Variants in UBE2K observed in about 807,000 individuals in gnomAD.
UBE2K encodes ubiquitin conjugating enzyme E2 K.
Under a neutral mutation model 30.0 loss-of-function variants are expected in UBE2K, and 6 were observed. The observed-to-expected ratio is 0.20, with a 90% CI of 0.11 to 0.39. The LOEUF (loss-of-function observed/expected upper bound fraction) is 0.39. Ranked by LOEUF, UBE2K falls within the 10% of genes least tolerant of loss-of-function variation. The pLI is 1.00. For missense variants in UBE2K, 61 were observed against 241.6 expected (o/e 0.25, Z 4.96); for synonymous variants, 86 against 83.7 (o/e 1.03, Z -0.15).
At position 39,733,917 on chromosome 4, in the gene UBE2K, G is replaced by A. The variant is rs79368676; in HGVS notation, c.64-3503G>A. Reference sequence around the variant, plus strand: ...ACTCTTAAAGTAAGACTTTAAGTTCGCTTGTGGGAGCAGGGGGATTGGAGT... The same window carrying A: ...ACTCTTAAAGTAAGACTTTAAGTTCACTTGTGGGAGCAGGGGGATTGGAGT... On this transcript the variant is annotated intron_variant, in intron 1 of 6. Transcript: ENST00000261427. Among the ~76,000 whole-genome samples the A allele has an allele frequency of 6.9e-3, 1,054 of 152,118 alleles. 14 individuals carry two copies. The highest frequency in any genetic ancestry group is 0.024 in the African/African-American group (994 of 41,480).
chr4:39,776,047 CCTCT>C (rs1367908103), intron 5 of UBE2K, among the ~76,000 whole-genome samples: 1 of 152,082 alleles, frequency 6.6e-6, no homozygotes, highest in Non-Finnish European at 1.5e-5. Flanking sequence ...TTAGGCTTGC[CCTCT>C]CTCCTAAGCA....
At chr4:39,770,100 A>T (rs555272135) in intron 4 of UBE2K, 137 of 1,568,746 alleles carry the variant, frequency 8.7e-5, no homozygotes, top group Middle Eastern at 2.3e-4. Context: ...GAGGACATTA[A>T]TCTCGGCCAC....
At chr4:39,745,868 A>C in intron 3 of UBE2K, 58 bp downstream of exon 3, 1 of 1,272,552 alleles carries the variant, frequency 7.9e-7, no homozygotes, top group South Asian at 1.4e-5. Flanking sequence ...TTCTGACCTC[A>C]TTTTATTAAT....
intron 1 of UBE2K, among the ~76,000 whole-genome samples, chr4:39,729,534 G>A (rs1356905133): frequency 2.0e-5 from 3 of 151,998 alleles, no homozygotes; most frequent in Non-Finnish European, 4.4e-5. Flanking sequence ...TTTACTTCCT[G>A]TCTGCCTTAA....
At chr4:39,728,827 G>GTTTTTT (rs372834149) in intron 1 of UBE2K, among the ~76,000 whole-genome samples, 5 of 128,660 alleles carry the variant, frequency 3.9e-5, no homozygotes, top group Non-Finnish European at 6.9e-5. Flanking sequence ...TGTTTTTTTT[G>GTTTTTT]TTTTTTTTTT....
At chr4:39,712,722 C>G (rs1200869740) in intron 1 of UBE2K, among the ~76,000 whole-genome samples, 4 of 149,802 alleles carry the variant, frequency 2.7e-5, no homozygotes, top group African/African-American at 4.9e-5. Context: ...ACTCGGCCTA[C>G]ATTTTTAAGA....
intron 4 of UBE2K, chr4:39,770,812 C>G: frequency 1.9e-6 from 3 of 1,553,848 alleles, no homozygotes; most frequent in East Asian, 2.2e-5. Flanking sequence ...TCCACCTTGA[C>G]GATGCAGATG....
At chr4:39,725,417 T>TA (rs1381998759) in intron 1 of UBE2K, among the ~76,000 whole-genome samples, 1 of 144,524 alleles carries the variant, frequency 6.9e-6, no homozygotes, top group African/African-American at 2.6e-5. Context: ...CACCTCTTGA[T>TA]AGTAAGGTTT....
chr4:39,748,866 G>A (rs572335366), intron 3 of UBE2K, among the ~76,000 whole-genome samples: 19 of 152,150 alleles, frequency 1.2e-4, no homozygotes, highest in Admixed American at 2.6e-4. Context: ...CCCTACTTGT[G>A]GCATTACGCT....
chr4:39,723,382 T>TC (rs1553875736), intron 1 of UBE2K, among the ~76,000 whole-genome samples: 6 of 147,338 alleles, frequency 4.1e-5, no homozygotes, highest in Non-Finnish European at 4.5e-5. Context: ...TTTTTTTTTT[T>TC]CCTTCAGACT....
chr4:39,758,574 A>G (rs1711647280), intron 4 of UBE2K, among the ~76,000 whole-genome samples: 2 of 152,124 alleles, frequency 1.3e-5, no homozygotes, highest in South Asian at 4.1e-4. Context: ...GCTACTTGGG[A>G]GGCTGAGGCA....
At chr4:39,745,612 ACTTT>A in intron 2 of UBE2K, 136 bp from the exon 3 acceptor site, 3 of 616,160 alleles carry the variant, frequency 4.9e-6, no homozygotes, top group Non-Finnish European at 8.4e-6. Flanking sequence ...GCTTTTGATT[ACTTT>A]CTTTCTGGAT....
rs3839130 is a variant in UBE2K at position 39,779,042 on chromosome 4, A to ACCCCCCCCCCCCCCCCCCCTTC, written c.*616_*617insCCCCCCCCCCCTTCCCCCCCCC. ...TGGGACAGTGTCTGATTCCCCCTTC[A>ACCCCCCCCCCCCCCCCCCCTTC]CCCCCCCCACCCCCGCCTTGCCACA... On this transcript the variant is annotated 3_prime_UTR_variant, in exon 7 of 7. Transcript: ENST00000261427. The ACCCCCCCCCCCCCCCCCCCTTC allele has an allele frequency of 1.6e-5, 2 of 128,220 alleles. No homozygotes were observed. The highest frequency in any genetic ancestry group is 3.0e-5 in the African/African-American group (1 of 32,820). The allele number at this position is 128,220 out of a possible 1,614,324, so 7.9% of individuals were successfully genotyped here.
At chr4:39,760,331 C>T (rs560477372) in intron 4 of UBE2K, among the ~76,000 whole-genome samples, 2 of 151,896 alleles carry the variant, frequency 1.3e-5, no homozygotes, top group East Asian at 1.9e-4. Flanking sequence ...GTGTCTATGC[C>T]TACTTTTTAA....
At chr4:39,744,211 G>A (rs1720863171) in intron 2 of UBE2K, among the ~76,000 whole-genome samples, 1 of 151,622 alleles carries the variant, frequency 6.6e-6, no homozygotes, top group South Asian at 2.1e-4. Context: ...CCCCAGTTGT[G>A]AGAAGCTAGA....
At chr4:39,714,094 T>C (rs1436220535) in intron 1 of UBE2K, 1 of 152,250 alleles carries the variant, frequency 6.6e-6, no homozygotes, top group East Asian at 1.9e-4. Flanking sequence ...CACACTACTT[T>C]TTGTAGAGAT....
intron 1 of UBE2K, among the ~76,000 whole-genome samples, chr4:39,735,382 G>T (rs372011608): frequency 6.6e-6 from 1 of 151,746 alleles, no homozygotes; most frequent in Admixed American, 6.6e-5. Flanking sequence ...CTAAATTTTT[G>T]TGTTTTTGGT....
chr4:39,777,877 T>A, intron 6 of UBE2K, 67 bp downstream of exon 6: 1 of 1,333,846 alleles, frequency 7.5e-7, no homozygotes, highest in Non-Finnish European at 9.7e-7. Context: ...AATTCTTGGC[T>A]GACAAAAGTG....
intron 2 of UBE2K, among the ~76,000 whole-genome samples, chr4:39,743,410 TGGCTAACAC>T (rs1027700194): frequency 6.6e-6 from 1 of 152,202 alleles, no homozygotes; most frequent in African/African-American, 2.4e-5. Flanking sequence ...GAGACCATCC[TGGCTAACAC>T]GGTGAAACCC....
Sources: gnomAD v4.1 joint callset for allele counts (sites outside exome capture counted in the v4.1 genomes callset) on GRCh38, gnomAD v4.1.1 for gene constraint, MANE v1.5 for transcripts, NCBI Gene and HGNC (gene_info 2026-07-23, HGNC 2026-07-21) for gene names.